Variants in IL1RAPL1 observed in about 807,000 individuals in gnomAD.
The protein encoded by IL1RAPL1 is interleukin-1 receptor accessory protein-like 1.
Under a neutral mutation model 48.4 loss-of-function variants are expected in IL1RAPL1, and 3 were observed. That is an observed-to-expected ratio of 0.06 (90% CI 0.03 to 0.16). The LOEUF is 0.16. Ranked by LOEUF, IL1RAPL1 falls within the 10% of genes least tolerant of loss-of-function variation. The pLI is 1.00. For synonymous variants in IL1RAPL1, 185 were observed against 187.7 expected (o/e 0.99, Z 0.12); for missense variants, 349 against 530.6 (o/e 0.66, Z 3.36).
At chrX:28,933,515 C>T (rs767409384) in intron 2 of IL1RAPL1, among the ~76,000 whole-genome samples, 1 of 111,560 alleles carries the variant, frequency 9.0e-6, no homozygotes, top group Non-Finnish European at 1.9e-5. Context: ...ATTGTTTCCT[C>T]TTGGAAGATA....
intron 6 of IL1RAPL1, among the ~76,000 whole-genome samples, chrX:29,766,612 C>T (rs1158854913): frequency 1.0e-5 from 1 of 95,725 alleles, no homozygotes; most frequent in East Asian, 3.0e-4. Context: ...TACATTTGCT[C>T]ACTTGCTCAC....
At chrX:28,668,211 A>G (rs1287434857) in intron 1 of IL1RAPL1, among the ~76,000 whole-genome samples, 1 of 111,647 alleles carries the variant, frequency 9.0e-6, no homozygotes, top group Non-Finnish European at 1.9e-5. Context: ...CTTTGTAGCC[A>G]ATCATAGGCA....
chrX:28,623,058 C>G (rs764297280), intron 1 of IL1RAPL1, among the ~76,000 whole-genome samples: 1 of 111,343 alleles, frequency 9.0e-6, no homozygotes, highest in African/African-American at 3.3e-5. Flanking sequence ...CAGAAACAAA[C>G]ACATCTCTAA....
intron 5 of IL1RAPL1, among the ~76,000 whole-genome samples, chrX:29,518,713 C>T (rs1209620649): frequency 9.0e-6 from 1 of 111,366 alleles, no homozygotes; most frequent in Admixed American, 9.6e-5. Context: ...TAAAGTAGAT[C>T]TTGCAGGGCT....
intron 5 of IL1RAPL1, among the ~76,000 whole-genome samples, chrX:29,620,236 G>A (rs538603378): frequency 1.8e-5 from 2 of 111,823 alleles, no homozygotes; most frequent in Admixed American, 9.5e-5. Flanking sequence ...ATACAGTTAC[G>A]TACTGCTTAA....
At chrX:28,654,959 A>G (rs1348433398) in intron 1 of IL1RAPL1, among the ~76,000 whole-genome samples, 3 of 111,536 alleles carry the variant, frequency 2.7e-5, no homozygotes, top group Non-Finnish European at 5.6e-5. Context: ...TTGAGTCTAG[A>G]TAGAATAAAG....
chrX:29,835,566 T>C (rs955081327), intron 6 of IL1RAPL1, among the ~76,000 whole-genome samples: 5 of 112,147 alleles, frequency 4.5e-5, no homozygotes, highest in African/African-American at 1.6e-4. Flanking sequence ...TTTTTTGGTA[T>C]AGCTTGAGAC....
chrX:29,165,557 T>G (rs1929771678), intron 2 of IL1RAPL1, among the ~76,000 whole-genome samples: 1 of 111,322 alleles, frequency 9.0e-6, no homozygotes, highest in African/African-American at 3.3e-5. Context: ...GAGCAGAGCC[T>G]TGGAGACCAT....
intron 2 of IL1RAPL1, among the ~76,000 whole-genome samples, chrX:28,817,247 GA>G (rs1183428393): frequency 1.8e-5 from 2 of 109,546 alleles, no homozygotes; most frequent in African/African-American, 3.3e-5. Flanking sequence ...GAAGACACAG[GA>G]AAAAAAATCA....
In IL1RAPL1 at chrX:28,588,205, TATGTGTGTGTGTGTG is replaced by T. The variant is rs1208548830; in HGVS notation, c.-25+159_-25+173del. Among the ~76,000 whole-genome samples, 642 of 93,586 alleles carry T rather than the reference TATGTGTGTGTGTGTG, an allele frequency of 6.9e-3. 6 individuals are homozygous for T. The highest frequency in any genetic ancestry group is 0.021 in the African/African-American group (548 of 25,881). The allele number at this position is 93,586 out of a possible 115,157, so 81.3% of individuals were successfully genotyped here. A position where few individuals can be genotyped will look rare whatever the true frequency, so the allele number is the denominator to read the frequency against. On this transcript the variant is annotated intron_variant, in intron 1 of 10. Coordinates refer to ENST00000378993, the MANE Select transcript of IL1RAPL1 (RefSeq NM_014271.4). The stretch of plus-strand genomic sequence containing the variant: ...GAATAACTGCAGTTGGGTGTGTTGA[TATGTGTGTGTGTGTG>T]TGTGTGTGTGTGTGTGTGTGTGTGT...
chrX:29,854,670 A>G (rs1931443722), intron 6 of IL1RAPL1, among the ~76,000 whole-genome samples: 2 of 111,392 alleles, frequency 1.8e-5, no homozygotes, highest in Admixed American at 1.9e-4. Context: ...CTCTTATTCA[A>G]TGGAAATATT....
intron 2 of IL1RAPL1, among the ~76,000 whole-genome samples, chrX:29,250,591 G>T (rs1931588172): frequency 9.0e-6 from 1 of 111,122 alleles, no homozygotes; most frequent in South Asian, 3.8e-4. Flanking sequence ...ATGTTCTCTT[G>T]TTCCTTATGC....
At chrX:29,756,899 G>A (rs964145782) in intron 6 of IL1RAPL1, among the ~76,000 whole-genome samples, 1 of 111,794 alleles carries the variant, frequency 8.9e-6, no homozygotes, top group Admixed American at 9.5e-5. Context: ...TATAAGAAGA[G>A]ACATCTAGAC....
intron 2 of IL1RAPL1, among the ~76,000 whole-genome samples, chrX:29,123,944 A>G (rs1235846142): frequency 3.0e-5 from 3 of 98,746 alleles, no homozygotes; most frequent in African/African-American, 1.3e-4. Flanking sequence ...AATTAAATTT[A>G]GGGTTTTTTT....
chrX:29,035,722 GA>G (rs1289208933), intron 2 of IL1RAPL1, among the ~76,000 whole-genome samples: 3 of 111,245 alleles, frequency 2.7e-5, no homozygotes, highest in South Asian at 3.8e-4. Flanking sequence ...GCATTGGAGT[GA>G]AAAAAATGCT....
chrX:29,603,031 C>T (rs1050900374), intron 5 of IL1RAPL1, among the ~76,000 whole-genome samples: 1 of 110,326 alleles, frequency 9.1e-6, no homozygotes, highest in Non-Finnish European at 1.9e-5. Context: ...TTTGGGAGGC[C>T]GAGGCGGGTG....
intron 2 of IL1RAPL1, among the ~76,000 whole-genome samples, chrX:29,007,381 C>A (rs1215936487): frequency 9.0e-6 from 1 of 111,562 alleles, no homozygotes; most frequent in African/African-American, 3.3e-5. Context: ...ATTTTTTATG[C>A]TGAGAAAGAA....
chrX:28,953,122 G>C (rs1924515592), intron 2 of IL1RAPL1, among the ~76,000 whole-genome samples: 1 of 111,372 alleles, frequency 9.0e-6, no homozygotes, highest in Non-Finnish European at 1.9e-5. Context: ...GTGGACTCTT[G>C]AATATGGACT....
intron 1 of IL1RAPL1, among the ~76,000 whole-genome samples, chrX:28,650,732 G>A (rs1218380812): frequency 9.0e-6 from 1 of 111,640 alleles, no homozygotes; most frequent in Non-Finnish European, 1.9e-5. Flanking sequence ...TACTTAAAAG[G>A]TAGTTTTTAT....
Sources: gnomAD v4.1 joint callset for allele counts (sites outside exome capture counted in the v4.1 genomes callset) on GRCh38, gnomAD v4.1.1 for gene constraint, MANE v1.5 for transcripts, NCBI Gene and HGNC (gene_info 2026-07-23, HGNC 2026-07-21) for gene names.